Variants in JPH2 observed in about 807,000 individuals in gnomAD.
The protein encoded by JPH2 is junctophilin 2, also known as junctophilin-2.
JPH2 carries 38 observed loss-of-function variants against 55.9 expected under a neutral mutation model. The ratio of observed to expected loss-of-function variants is 0.68; its 90% CI spans 0.52 to 0.89. JPH2 has a LOEUF of 0.89. Ranked by LOEUF, JPH2 falls within the 40% of genes least tolerant of loss-of-function variation. The pLI, the probability that JPH2 is intolerant of heterozygous loss-of-function variation, is 0.00. For synonymous variants in JPH2, 480 were observed against 472.4 expected (o/e 1.02, Z -0.21); for missense variants, 964 against 1,037.6 (o/e 0.93, Z 0.97).
At chr20:44,128,660 C>T (rs1036383962) in intron 2 of JPH2, among the ~76,000 whole-genome samples, 1 of 151,814 alleles carries the variant, frequency 6.6e-6, no homozygotes, top group Non-Finnish European at 1.5e-5. Context: ...TAAAAAATTG[C>T]TATTAATATT....
chr20:44,116,719 G>A (rs1262187874), intron 3 of JPH2, among the ~76,000 whole-genome samples: 1 of 152,188 alleles, frequency 6.6e-6, no homozygotes, highest in East Asian at 1.9e-4. Flanking sequence ...TTTGGCACGC[G>A]TCTCTTTCCA....
chr20:44,152,143 G>A (rs1002433779), intron 2 of JPH2, among the ~76,000 whole-genome samples: 1 of 152,218 alleles, frequency 6.6e-6, no homozygotes, highest in Non-Finnish European at 1.5e-5. Flanking sequence ...CCAGCGCCCT[G>A]GCACAAGCCT....
chr20:44,125,314 T>C (rs1385397124), intron 2 of JPH2, among the ~76,000 whole-genome samples: 1 of 147,314 alleles, frequency 6.8e-6, no homozygotes, highest in East Asian at 2.1e-4. Flanking sequence ...TGCCGACCCC[T>C]GTACTAATGT....
In JPH2 at chr20:44,108,623, ACT is replaced by A. The variant is rs1436336551; in HGVS notation, c.*4893_*4894del. ...ACTCCAGCCTGGGTGACAGAATGAG[ACT>A]CTGTCTCAAAAAAAAAAAAAAAGAA... On this transcript the variant is annotated 3_prime_UTR_variant, in exon 6 of 6. Coordinates refer to ENST00000372980, the MANE Select transcript of JPH2 (RefSeq NM_020433.5). Among the ~76,000 whole-genome samples the A allele has an allele frequency of 2.4e-5, 3 of 126,576 alleles. No homozygotes were observed. Among genetic ancestry groups the A allele is most frequent in the East Asian group, 4.5e-4 (2 of 4,404 alleles). 83.0% of individuals were successfully genotyped at this position (126,576 alleles called of 152,430 possible).
At chr20:44,134,886 ATT>A (rs1491447954) in intron 2 of JPH2, among the ~76,000 whole-genome samples, 2 of 41,412 alleles carry the variant, frequency 4.8e-5, no homozygotes, top group Non-Finnish European at 8.9e-5. Flanking sequence ...TTATATATAT[ATT>A]AATATATATT....
chr20:44,184,272 G>GTTC (rs151002502), intron 1 of JPH2, among the ~76,000 whole-genome samples: 374 of 151,856 alleles, frequency 2.5e-3, no homozygotes, highest in East Asian at 7.5e-3. Flanking sequence ...GTCAAAAAGT[G>GTTC]TTCTTCTTCT....
At chr20:44,165,287 T>C (rs62204502) in intron 1 of JPH2, among the ~76,000 whole-genome samples, 15,707 of 136,156 alleles carry the variant, frequency 0.12, 1,025 homozygotes, top group Middle Eastern at 0.14. Context: ...AAGAAGCTTT[T>C]CAGGAAAAAA....
chr20:44,126,168 G>A (rs113939153), intron 2 of JPH2, among the ~76,000 whole-genome samples: 701 of 36,294 alleles, frequency 0.019, 35 homozygotes, highest in African/African-American at 0.067. Flanking sequence ...GGGAGGGAGG[G>A]AGGAAGGAAG....
chr20:44,165,983 T>TC (rs1427387786), intron 1 of JPH2, among the ~76,000 whole-genome samples: 9 of 152,208 alleles, frequency 5.9e-5, no homozygotes, highest in Non-Finnish European at 8.8e-5. Context: ...TTATTGACCA[T>TC]CCCCCCTCAC....
In JPH2 at chr20:44,118,953, T is replaced by C. The variant is rs1194993511; in HGVS notation, c.1170-330A>G. ...AAAAACTTCTGTGCCCTCTCTTTTT[T>C]CCCCAGCATTGCTGGTTGAATGCAG... On this transcript the variant is annotated intron_variant, in intron 2 of 5. Coordinates refer to ENST00000372980, the MANE Select transcript of JPH2 (RefSeq NM_020433.5). Among the ~76,000 whole-genome samples the C allele has an allele frequency of 2.0e-5, 3 of 152,332 alleles. No individual in the cohort carries two copies. The South Asian group carries it at 6.2e-4, about 32-fold the overall frequency.
intron 2 of JPH2, among the ~76,000 whole-genome samples, chr20:44,138,634 T>TGGCCCCCTC (rs1461712942): frequency 2.0e-5 from 3 of 151,662 alleles, no homozygotes; most frequent in Non-Finnish European, 4.4e-5. Flanking sequence ...TCTCCTGCCT[T>TGGCCCCCTC]GGCCCCCTCA....
intron 2 of JPH2, among the ~76,000 whole-genome samples, chr20:44,129,036 A>G (rs1484341385): frequency 6.6e-6 from 1 of 152,204 alleles, no homozygotes; most frequent in East Asian, 1.9e-4. Flanking sequence ...AGGGCCTGGC[A>G]CACAGCAAGC....
chr20:44,152,894 A>T (rs995357162), intron 2 of JPH2, among the ~76,000 whole-genome samples: 5 of 152,254 alleles, frequency 3.3e-5, no homozygotes, highest in African/African-American at 1.2e-4. Context: ...GGGCATCAAT[A>T]GTTTGATGTG....
intron 1 of JPH2, among the ~76,000 whole-genome samples, chr20:44,169,590 T>C (rs1235870384): frequency 6.6e-6 from 1 of 152,202 alleles, no homozygotes; most frequent in Non-Finnish European, 1.5e-5. Flanking sequence ...ACCAGGATTC[T>C]GCCTCCAAAT....
intron 1 of JPH2, among the ~76,000 whole-genome samples, chr20:44,183,269 T>C (rs2072802135): frequency 6.6e-6 from 1 of 152,236 alleles, no homozygotes. Context: ...GCACTGTGCC[T>C]GGCATAAACA....
At chr20:44,169,563 A>G (rs1600863850) in intron 1 of JPH2, among the ~76,000 whole-genome samples, 1 of 152,318 alleles carries the variant, frequency 6.6e-6, no homozygotes, top group Non-Finnish European at 1.5e-5. Flanking sequence ...GAGACATCAA[A>G]GAGACATATG....
intron 1 of JPH2, among the ~76,000 whole-genome samples, chr20:44,169,441 G>T (rs2072681463): frequency 6.6e-6 from 1 of 152,170 alleles, no homozygotes; most frequent in Non-Finnish European, 1.5e-5. Flanking sequence ...GCCTCCCAAA[G>T]TGCTGGGATT....
chr20:44,158,160 G>A (rs749046644), intron 2 of JPH2, among the ~76,000 whole-genome samples: 3 of 152,294 alleles, frequency 2.0e-5, no homozygotes, highest in South Asian at 2.1e-4. Flanking sequence ...CACCTGTGGC[G>A]CGCTCTAAGG....
intron 1 of JPH2, among the ~76,000 whole-genome samples, chr20:44,181,103 C>A (rs543212610): frequency 5.9e-5 from 9 of 152,098 alleles, no homozygotes; most frequent in Admixed American, 4.6e-4. Flanking sequence ...AGCTCCTGCA[C>A]CAGCCCCACC....
Sources: gnomAD v4.1 joint callset for allele counts (sites outside exome capture counted in the v4.1 genomes callset) on GRCh38, gnomAD v4.1.1 for gene constraint, MANE v1.5 for transcripts, NCBI Gene and HGNC (gene_info 2026-07-23, HGNC 2026-07-21) for gene names.